Variants in TRRAP observed in about 807,000 individuals in gnomAD.
The protein encoded by TRRAP is transformation/transcription domain associated protein.
Under a neutral mutation model 438.8 loss-of-function variants are expected in TRRAP, and 41 were observed. The observed-to-expected ratio is 0.09, with a 90% CI of 0.07 to 0.12. The LOEUF is 0.12. Among genes scored for constraint, TRRAP ranks in the 10% least tolerant of loss-of-function variants. The pLI is 1.00. For missense variants in TRRAP, 3,122 were observed against 5,055.1 expected, an observed-to-expected ratio of 0.62 and a Z score of 11.60; for synonymous variants, 1,994 against 1,962.9, an observed-to-expected ratio of 1.02 and a Z score of -0.42.
At chr7:98,953,761 T>C (rs1791458442) in intron 40 of TRRAP, among the ~76,000 whole-genome samples, 3 of 152,218 alleles carry the variant, frequency 2.0e-5, no homozygotes, top group Non-Finnish European at 2.9e-5. Flanking sequence ...CGAGCGCCAC[T>C]GGGCTGTGCA....
intron 70 of TRRAP, 82 bp from the exon 71 acceptor site, chr7:99,010,970 G>C: frequency 7.2e-7 from 1 of 1,390,700 alleles, no homozygotes; most frequent in Non-Finnish European, 9.9e-7. Flanking sequence ...CTAAGTTAAA[G>C]AGGAATTGCA....
At chr7:98,930,608 G>A (rs782100298) in intron 24 of TRRAP, 25 bp from the exon 25 acceptor site, 1 of 1,611,864 alleles carries the variant, frequency 6.2e-7, no homozygotes, top group South Asian at 1.1e-5. Flanking sequence ...GTAACGTGTT[G>A]TGGTTTGTTC....
At chr7:98,959,300 T>C in intron 44 of TRRAP, 44 bp from the exon 45 acceptor site, 1 of 1,604,248 alleles carries the variant, frequency 6.2e-7, no homozygotes. Context: ...GACTGTAAAC[T>C]CGGATGCAGT....
At chr7:98,896,255 A>G (rs565050986) in intron 7 of TRRAP, among the ~76,000 whole-genome samples, 43 of 152,022 alleles carry the variant, frequency 2.8e-4, no homozygotes, top group Admixed American at 9.8e-4. Flanking sequence ...CGATCTCATT[A>G]AGAACTCTTT....
intron 6 of TRRAP, among the ~76,000 whole-genome samples, 181 bp downstream of exon 6, chr7:98,894,062 C>G (rs999708844): frequency 6.6e-6 from 1 of 152,160 alleles, no homozygotes; most frequent in African/African-American, 2.4e-5. Context: ...ATTATCAATA[C>G]TTTGCTAAAT....
chr7:98,886,711 T>C (rs1377291019), intron 3 of TRRAP, among the ~76,000 whole-genome samples: 1 of 151,508 alleles, frequency 6.6e-6, no homozygotes, highest in Non-Finnish European at 1.5e-5. Context: ...TTAAATGAAG[T>C]GAGTGAAATT....
chr7:98,911,416 T>C (rs1257352645), intron 17 of TRRAP, 145 bp downstream of exon 17: 2 of 802,416 alleles, frequency 2.5e-6, no homozygotes, highest in East Asian at 2.8e-5. Flanking sequence ...TATTAGGCCA[T>C]AATGTCTTGA....
chr7:98,897,623 A>T, intron 7 of TRRAP, 118 bp from the exon 8 acceptor site: 1 of 1,319,382 alleles, frequency 7.6e-7, no homozygotes, highest in Non-Finnish European at 1.0e-6. Context: ...AATGTAGAAC[A>T]TACTGTTTTT....
At chr7:98,926,612 A>C (rs1790056670) in intron 22 of TRRAP, among the ~76,000 whole-genome samples, 1 of 152,250 alleles carries the variant, frequency 6.6e-6, no homozygotes, top group African/African-American at 2.4e-5. Flanking sequence ...TCATTCAGAC[A>C]GAAAGTTCCT....
chr7:98,992,326 G>T, intron 65 of TRRAP, 99 bp downstream of exon 65: 2 of 1,278,018 alleles, frequency 1.6e-6, no homozygotes, highest in East Asian at 2.3e-5. Flanking sequence ...CTGCCCTGCA[G>T]CTCACTCATA....
rs1554417416 is a variant in TRRAP, at chr7:98,948,611, C to T, written c.4714C>T (p.His1572Tyr). The change falls in exon 35 of 73, where the codon CAT becomes TAT. Residue 1572 changes from histidine to tyrosine, a missense_variant. Transcript: ENST00000456197. This position sits in a 1 kb window ranked among gnomAD's most constrained non-coding sequence, Gnocchi z 4.9. ...REPLIKFLTR[H>Y]PSQTVELFMM... Reference sequence around the variant, plus strand: ...GCCCCTGATCAAGTTCCTGACTCGACATCCCTCGCAGACAGTGGAGCTGTT... The same window carrying T: ...GCCCCTGATCAAGTTCCTGACTCGATATCCCTCGCAGACAGTGGAGCTGTT... 2 of 1,614,190 alleles carry T rather than the reference C, an allele frequency of 1.2e-6. No homozygotes were observed. The highest frequency in any genetic ancestry group is 4.5e-5 in the East Asian group (2 of 44,878).
chr7:98,941,605 C>G (rs1490335904), intron 30 of TRRAP, among the ~76,000 whole-genome samples: 2 of 152,162 alleles, frequency 1.3e-5, no homozygotes, highest in African/African-American at 2.4e-5. Context: ...AATTCTGTTA[C>G]TCTCATTTAC....
In TRRAP at chr7:98,921,997, A is replaced by C. The variant is rs201941452; in HGVS notation, c.2823+44A>C. 469 of 1,612,272 alleles carry C rather than the reference A, an allele frequency of 2.9e-4. 1 individual carries two copies. Among genetic ancestry groups the C allele is most frequent in the South Asian group, 1.3e-3 (121 of 90,994 alleles). On this transcript the variant is annotated intron_variant, in intron 21 of 72. Transcript: ENST00000456197. Reference sequence around the variant, plus strand: ...TCGTTTCGTTTTAAGCCTTGTGAAGATACTATGTTTCAGTCTATGTGAAAT... The same window carrying C: ...TCGTTTCGTTTTAAGCCTTGTGAAGCTACTATGTTTCAGTCTATGTGAAAT...
Position 98,915,904 on chromosome 7 carries a change from T to G in TRRAP, c.2365+16T>G, listed in dbSNP as rs1554409515. On this transcript the variant is annotated intron_variant, in intron 19 of 72. Transcript: ENST00000456197. Reference sequence around the variant, plus strand: ...CTCCTGCAAGGTCAGAGCAGTGACTTTGGTTGCCTTTTAGTCTTGTGTGTC... The same window carrying G: ...CTCCTGCAAGGTCAGAGCAGTGACTGTGGTTGCCTTTTAGTCTTGTGTGTC... 2.5e-6 allele frequency: 4 copies of G among 1,613,800 alleles called. No homozygotes were observed. The highest frequency in any genetic ancestry group is 2.2e-5 in the South Asian group (2 of 91,048).
At chr7:98,880,355 C>G (rs1455863259) in intron 1 of TRRAP, among the ~76,000 whole-genome samples, 3 of 151,144 alleles carry the variant, frequency 2.0e-5, no homozygotes, top group African/African-American at 7.3e-5. Context: ...TCTCCACCTC[C>G]TGGGTTCAAG....
chr7:98,907,183 C>T (rs553838908), intron 13 of TRRAP, among the ~76,000 whole-genome samples: 84 of 152,088 alleles, frequency 5.5e-4, no homozygotes, highest in Non-Finnish European at 9.9e-4. Context: ...ATTAGCCAGG[C>T]GTGGTGGCGC....
rs149791150 is a variant in TRRAP, at chr7:98,906,999, A to C, written c.1115+744A>C. ...CTAATATCTTAATGTATGTCCGTAT[A>C]ATCTTTGTTTCTTACACTTAAAAAA... On this transcript the variant is annotated intron_variant, in intron 13 of 72. Coordinates refer to ENST00000456197, the MANE Select transcript of TRRAP (RefSeq NM_001375524.1). Among the ~76,000 whole-genome samples the C allele has an allele frequency of 3.3e-5, 5 of 151,920 alleles. No homozygotes were observed. In the East Asian group the frequency reaches 9.7e-4, roughly 29 times the overall value.
chr7:98,927,389 G>A (rs1554411778), intron 23 of TRRAP, 23 bp downstream of exon 23: 1 of 1,612,268 alleles, frequency 6.2e-7, no homozygotes, highest in Admixed American at 1.7e-5. Flanking sequence ...GCACGGTGGG[G>A]CACGGGATTG....
rs56380736 is a variant in TRRAP at position 98,953,178 on chromosome 7, C to G, written c.5475C>G (p.Pro1825=). The part of the protein sequence containing the change: ...TSVFITKVLD[P]EKQADMLDSL... ...CTGTCCCTGCACAGGTCCTGGACCC[C>G]GAGAAGCAGGCGGACATGCTGGACT... The change falls in exon 40 of 73, where the codon CCC becomes CCG. Residue 1825 remains proline (P), a synonymous_variant. Coordinates refer to ENST00000456197, the MANE Select transcript of TRRAP (RefSeq NM_001375524.1). 7 of 1,612,720 alleles carry G rather than the reference C, an allele frequency of 4.3e-6. No homozygotes were observed. The South Asian group carries it at 6.6e-5, about 15-fold the overall frequency.
Sources: allele counts gnomAD v4.1 joint callset (sites outside exome capture counted in the v4.1 genomes callset), GRCh38; gene constraint gnomAD v4.1.1; non-coding constraint Gnocchi (gnomAD v3.1); transcripts MANE v1.5; gene names NCBI Gene and HGNC (gene_info 2026-07-23, HGNC 2026-07-21).